GOLGA3: variants seen among roughly 807,000 people sequenced by gnomAD.
GOLGA3 encodes the protein golgin subfamily A member 3.
A neutral mutation model predicts 169.4 loss-of-function variants in GOLGA3; 75 were observed. The ratio of observed to expected loss-of-function variants is 0.44; its 90% CI spans 0.37 to 0.54. The LOEUF (loss-of-function observed/expected upper bound fraction) is 0.54. GOLGA3 is among the 20% of genes least tolerant of loss of function. GOLGA3 has a pLI of 0.00. For synonymous variants in GOLGA3, 824 were observed against 822.4 expected, an observed-to-expected ratio of 1.00 and a Z score of -0.03; for missense variants, 1,899 against 1,930.0, an observed-to-expected ratio of 0.98 and a Z score of 0.30.
chr12:132,804,983 C>T lies in GOLGA3; in HGVS notation c.1330G>A (p.Ala444Thr), dbSNP rs138060066. Reference sequence around the variant, plus strand: ...TGCGCCTGCAGCTTCGTGCTGAGGGCGGCCAGCTGGGCCTGCAGCTCAGCC... The same window carrying T: ...TGCGCCTGCAGCTTCGTGCTGAGGGTGGCCAGCTGGGCCTGCAGCTCAGCC... The part of the protein sequence containing the change: ...EKAELQAQLA[A>T]LSTKLQAQVE... The change falls in exon 7 of 24, where the codon GCC (alanine) becomes ACC (threonine). Residue 444 changes from alanine to threonine, a missense_variant. Ala to Thr is a moderately conservative substitution (Grantham distance 58). Transcript: ENST00000450791. This position sits in a 1 kb window ranked among gnomAD's most constrained non-coding sequence, Gnocchi z 4.1. 2.5e-5 allele frequency: 41 copies of T among 1,611,742 alleles called. No homozygotes were observed. Among genetic ancestry groups the T allele is most frequent in the Non-Finnish European group, 3.0e-5 (35 of 1,179,798 alleles).
chr12:132,826,072 C>T, intron 1 of GOLGA3: 2 of 1,417,614 alleles, frequency 1.4e-6, no homozygotes, highest in Non-Finnish European at 2.0e-6. Context: ...AGATCGGTGA[C>T]ATCGTCACAG....
In GOLGA3 at chr12:132,789,084, A is replaced by C. The variant is rs2046084439; in HGVS notation, c.2754T>G (p.Leu918=). ...VAQVRQHMAD[L]EGHLQSAQKE... ...TCTGCGCCGACTGGAGATGCCCTTC[A>C]AGGTCCGCCATGTGCTGACGGACCT... Residue 918 remains leucine, a synonymous_variant, in exon 13 of 24, where the codon CTT becomes CTG. Coordinates refer to ENST00000450791, the MANE Select transcript of GOLGA3 (RefSeq NM_001389683.1). 2 of 1,610,814 alleles carry C rather than the reference A, an allele frequency of 1.2e-6. No homozygotes were observed. Among genetic ancestry groups the C allele is most frequent in the Non-Finnish European group, 1.7e-6 (2 of 1,178,458 alleles).
At chr12:132,826,307 C>T (rs1950415220) in intron 1 of GOLGA3, 4 of 747,608 alleles carry the variant, frequency 5.4e-6, no homozygotes, top group Admixed American at 3.0e-5. Flanking sequence ...GGCACCACCA[C>T]CTGAACAGAA....
chr12:132,828,767 C>G (rs1318141724), intron 1 of GOLGA3, 36 bp downstream of exon 1: 2 of 151,864 alleles, frequency 1.3e-5, no homozygotes, highest in African/African-American at 4.9e-5. Context: ...AGCGGGAGCC[C>G]GAGCCCCGAG....
chr12:132,783,106 A>G (rs10870510), intron 16 of GOLGA3, among the ~76,000 whole-genome samples: 147,802 of 152,210 alleles, frequency 0.97, 71,919 homozygotes, highest in East Asian at 1. Flanking sequence ...TGAGGCGGGA[A>G]AATCACTTGA....
intron 3 of GOLGA3, among the ~76,000 whole-genome samples, chr12:132,814,536 C>T (rs769803509): frequency 1.3e-5 from 2 of 152,200 alleles, no homozygotes; most frequent in African/African-American, 2.4e-5. Context: ...CACGAGACCC[C>T]GAGTGCATTT....
At position 132,791,287 on chromosome 12, in the gene GOLGA3, G is replaced by T. The variant is rs150299403; in HGVS notation, c.2476C>A (p.His826Asn). Residue 826 changes from histidine (H) to asparagine (N), a missense_variant, in exon 12 of 24, where the codon CAC (histidine) becomes AAC (asparagine). Transcript: ENST00000450791. ...AGAGCAGCAGTCTCCTGCTGCAGGT[G>T]TTCCACCTGTGGGAGACATGTGCAC... ...ELAIKSGQVE[H>N]LQQETAALKK... The T allele has an allele frequency of 1.9e-6, 3 of 1,593,490 alleles. No homozygotes were observed.
chr12:132,786,915 GAA>G (rs1369626580), intron 13 of GOLGA3, 128 bp from the exon 14 acceptor site: 2 of 664,388 alleles, frequency 3.0e-6, no homozygotes, highest in East Asian at 2.6e-5. Context: ...TGGGCCTTGA[GAA>G]AAATCCTGAG....
At chr12:132,824,807 C>A (rs1354376775) in intron 1 of GOLGA3, among the ~76,000 whole-genome samples, 2 of 152,256 alleles carry the variant, frequency 1.3e-5, no homozygotes, top group African/African-American at 2.4e-5. Flanking sequence ...CAGCACAGAA[C>A]CCTCTGAAAA....
Position 132,795,837 on chromosome 12 carries a change from A to G in GOLGA3, c.2469+15T>C, listed in dbSNP as rs750779257. 1 of 1,606,330 alleles carries G rather than the reference A, an allele frequency of 6.2e-7. No homozygotes were observed. The highest frequency in any genetic ancestry group is 8.5e-7 in the Non-Finnish European group (1 of 1,173,854). On this transcript the variant is annotated intron_variant, in intron 11 of 23. Coordinates refer to ENST00000450791, the MANE Select transcript of GOLGA3 (RefSeq NM_001389683.1). ...AGGGTTCTGATTCAAAACAAAACAC[A>G]GCAGAATGCATTACCTGGCCGGATT...
intron 18 of GOLGA3, among the ~76,000 whole-genome samples, chr12:132,779,968 T>A (rs2045483181): frequency 9.4e-6 from 1 of 106,014 alleles, no homozygotes; most frequent in African/African-American, 3.8e-5. Flanking sequence ...TCACAACCCT[T>A]CCACGCACAG....
intron 7 of GOLGA3, among the ~76,000 whole-genome samples, chr12:132,803,225 C>T (rs975204065): frequency 5.9e-5 from 9 of 152,194 alleles, no homozygotes; most frequent in African/African-American, 1.9e-4. Context: ...GGCAGAGTAT[C>T]CTGCCCTCCT....
chr12:132,800,077 C>CG (rs1768112701), intron 8 of GOLGA3, among the ~76,000 whole-genome samples: 1 of 152,180 alleles, frequency 6.6e-6, no homozygotes, highest in South Asian at 2.1e-4. Context: ...GCTTGGCCTA[C>CG]GTCTTTAAAT....
intron 1 of GOLGA3, among the ~76,000 whole-genome samples, chr12:132,827,139 G>C (rs556744834): frequency 1.4e-5 from 2 of 148,034 alleles, no homozygotes; most frequent in East Asian, 4.1e-4. Context: ...AAACATTCAC[G>C]GCTCCATCTA....
intron 8 of GOLGA3, among the ~76,000 whole-genome samples, chr12:132,799,129 C>A (rs1264409173): frequency 1.3e-5 from 2 of 152,146 alleles, no homozygotes; most frequent in Non-Finnish European, 1.5e-5. Context: ...GTGCACAGTG[C>A]GAGACGTGAC....
chr12:132,773,212 C>A lies in GOLGA3; in HGVS notation c.4390G>T (p.Glu1464Ter). 6.3e-7 allele frequency: 1 copy of A among 1,575,862 alleles called. No homozygotes were observed. Among genetic ancestry groups the A allele is most frequent in the East Asian group, 2.3e-5 (1 of 42,898 alleles). ...GGCACAGGGCTGGCAGTGGCTGGCT[C>A]CAGCGGCGTCCACGAGGACAGAGAC... The part of the protein sequence containing the change: ...HESLSSWTPL[E>*]PATASPVPPG... The change falls in exon 24 of 24, where the codon GAG becomes TAG. Residue 1464 changes from glutamate to a stop codon, truncating the protein, a stop_gained. Transcript: ENST00000450791. LOFTEE classifies it low-confidence loss of function (END_TRUNC).
chr12:132,812,773 T>C lies in GOLGA3; in HGVS notation c.519+534A>G, dbSNP rs61952768. Among the ~76,000 whole-genome samples, 559 of 152,350 alleles carry C rather than the reference T, an allele frequency of 3.7e-3. 3 individuals carry two copies. Among genetic ancestry groups the C allele is most frequent in the Non-Finnish European group, 5.6e-3 (383 of 68,036 alleles). The stretch of plus-strand genomic sequence containing the variant: ...TTACAGAGACATCTTTTCTAAGATA[T>C]GGTAAACTTTAGTGCGGTTTTAAGA... On this transcript the variant is annotated intron_variant, in intron 4 of 23. Transcript: ENST00000450791.
intron 1 of GOLGA3, among the ~76,000 whole-genome samples, chr12:132,824,258 C>A (rs968891560): frequency 1.3e-5 from 2 of 152,172 alleles, no homozygotes; most frequent in African/African-American, 4.8e-5. Context: ...GTAACCCAGT[C>A]CACTGACACA....
intron 4 of GOLGA3, among the ~76,000 whole-genome samples, chr12:132,813,048 A>G (rs1253155769): frequency 6.6e-6 from 1 of 152,252 alleles, no homozygotes; most frequent in Non-Finnish European, 1.5e-5. Context: ...TAGGAAACCA[A>G]AAACATTGTA....
Sources: allele counts gnomAD v4.1 joint callset (sites outside exome capture counted in the v4.1 genomes callset), GRCh38; gene constraint gnomAD v4.1.1; non-coding constraint Gnocchi (gnomAD v3.1); transcripts MANE v1.5; gene names NCBI Gene and HGNC (gene_info 2026-07-23, HGNC 2026-07-21).